Variants in QSER1 observed in about 807,000 individuals in gnomAD.
QSER1 encodes glutamine and serine-rich protein 1.
A neutral mutation model predicts 158.5 loss-of-function variants in QSER1; 49 were observed. The observed-to-expected ratio is 0.31, with a 90% CI of 0.25 to 0.39. The LOEUF (loss-of-function observed/expected upper bound fraction) is 0.39, where lower values mean the gene tolerates loss of function less well. Among genes scored for constraint, QSER1 ranks in the 10% least tolerant of loss-of-function variants. The pLI, the probability that QSER1 is intolerant of heterozygous loss-of-function variation, is 1.00. For synonymous variants in QSER1, 650 were observed against 715.5 expected (o/e 0.91, Z 1.46); for missense variants, 1,754 against 2,010.3 (o/e 0.87, Z 2.44).
At chr11:32,964,142 T>TA (rs1478437705) in intron 8 of QSER1, among the ~76,000 whole-genome samples, 2 of 152,066 alleles carry the variant, frequency 1.3e-5, no homozygotes, top group African/African-American at 4.8e-5. Flanking sequence ...CTAGCTAACT[T>TA]AAAATTTTTT....
intron 1 of QSER1, among the ~76,000 whole-genome samples, chr11:32,903,791 T>C (rs1851655011): frequency 6.6e-6 from 1 of 152,082 alleles, no homozygotes; most frequent in Non-Finnish European, 1.5e-5. Flanking sequence ...TTTGTATTTT[T>C]AGTAGAGATA....
intron 4 of QSER1, 61 bp from the exon 5 acceptor site, chr11:32,953,796 A>G: frequency 6.6e-7 from 1 of 1,524,088 alleles, no homozygotes; most frequent in Admixed American, 2.2e-5. Context: ...TTTGAGTTTT[A>G]CACAAAACAA....
intron 1 of QSER1, among the ~76,000 whole-genome samples, chr11:32,908,524 A>C (rs1321175122): frequency 6.6e-6 from 1 of 152,192 alleles, no homozygotes. Flanking sequence ...GACCTTTCTT[A>C]GTGAAAACAA....
At chr11:32,929,515 C>T (rs956620530) in intron 3 of QSER1, among the ~76,000 whole-genome samples, 1 of 151,950 alleles carries the variant, frequency 6.6e-6, no homozygotes, top group African/African-American at 2.4e-5. Context: ...TCTTAGAGCA[C>T]GACTGATTTT....
intron 8 of QSER1, among the ~76,000 whole-genome samples, chr11:32,962,078 A>C (rs1423496999): frequency 6.6e-6 from 1 of 152,190 alleles, no homozygotes; most frequent in Non-Finnish European, 1.5e-5. Flanking sequence ...CCACATGGTT[A>C]CACCATTTTA....
At chr11:32,959,939 T>C (rs1852591596) in intron 8 of QSER1, among the ~76,000 whole-genome samples, 1 of 152,094 alleles carries the variant, frequency 6.6e-6, no homozygotes, top group Non-Finnish European at 1.5e-5. Flanking sequence ...TTTTTAAATT[T>C]TAATCTTTGT....
At chr11:32,929,331 C>T (rs1447850969) in intron 3 of QSER1, among the ~76,000 whole-genome samples, 1 of 151,984 alleles carries the variant, frequency 6.6e-6, no homozygotes, top group Non-Finnish European at 1.5e-5. Flanking sequence ...AGGCTGGTCT[C>T]AAACTCCTGA....
intron 8 of QSER1, among the ~76,000 whole-genome samples, chr11:32,959,115 G>C (rs1158168925): frequency 6.6e-6 from 1 of 152,190 alleles, no homozygotes; most frequent in Non-Finnish European, 1.5e-5. Flanking sequence ...TAGTAGTGTA[G>C]TACAGAGGTT....
intron 4 of QSER1, among the ~76,000 whole-genome samples, chr11:32,952,523 G>C (rs1852439895): frequency 6.6e-6 from 1 of 152,068 alleles, no homozygotes; most frequent in South Asian, 2.1e-4. Flanking sequence ...TTCATTGTGG[G>C]TTTTTGTATT....
intron 1 of QSER1, among the ~76,000 whole-genome samples, chr11:32,922,608 C>T (rs1000665201): frequency 4.0e-5 from 6 of 151,574 alleles, no homozygotes; most frequent in Admixed American, 1.3e-4. Flanking sequence ...CCTCAGCCTC[C>T]CGAGTAGCTA....
rs766916467 is a variant in QSER1 at position 32,956,044 on chromosome 11, C to T, written c.4674C>T (p.Phe1558=). The stretch of plus-strand genomic sequence containing the variant: ...AATACAAAAGAATATATGTGAAGTT[C>T]ATTGAAAATGCAAACAAGAAGGAAT... ...KSKYKRIYVK[F]IENANKKEYV... The change falls in exon 7 of 13, where the codon TTC becomes TTT. Residue 1558 remains phenylalanine (F), a synonymous_variant. Coordinates refer to ENST00000650167, the MANE Select transcript of QSER1 (RefSeq NM_001076786.3). 2.7e-5 allele frequency: 44 copies of T among 1,608,140 alleles called. No individual in the cohort carries two copies. Among genetic ancestry groups the T allele is most frequent in the Non-Finnish European group, 3.6e-5 (42 of 1,175,190 alleles).
In QSER1 at chr11:32,973,560, T is replaced by C. The variant is rs753269345; in HGVS notation, c.5358+11T>C. On this transcript the variant is annotated intron_variant, in intron 11 of 12. Coordinates refer to ENST00000650167, the MANE Select transcript of QSER1 (RefSeq NM_001076786.3). ...ACCAAATCTGCACAAGTAAGTGTAA[T>C]TGATTATTAATGTAACTATACCTTT... 9 of 1,589,634 alleles carry C rather than the reference T, an allele frequency of 5.7e-6. No individual in the cohort carries two copies. The highest frequency in any genetic ancestry group is 4.5e-5 in the East Asian group (2 of 44,720).
At chr11:32,930,538 G>T (rs1385355917) in intron 3 of QSER1, among the ~76,000 whole-genome samples, 1 of 152,064 alleles carries the variant, frequency 6.6e-6, no homozygotes, top group Non-Finnish European at 1.5e-5. Flanking sequence ...TAGTAAAAAG[G>T]TATATAAAGT....
At chr11:32,921,773 G>T (rs1045872152) in intron 1 of QSER1, among the ~76,000 whole-genome samples, 5 of 152,198 alleles carry the variant, frequency 3.3e-5, no homozygotes, top group Admixed American at 1.3e-4. Context: ...TCAAATGTAT[G>T]TGGAACTACC....
chr11:32,925,491 C>CTTT (rs199729836), intron 1 of QSER1, among the ~76,000 whole-genome samples: 6 of 136,396 alleles, frequency 4.4e-5, no homozygotes, highest in Non-Finnish European at 6.5e-5. Context: ...TGATACATCG[C>CTTT]TTTTTTATTT....
At chr11:32,960,761 T>C (rs1852609364) in intron 8 of QSER1, among the ~76,000 whole-genome samples, 2 of 152,222 alleles carry the variant, frequency 1.3e-5, no homozygotes, top group South Asian at 4.1e-4. Context: ...GTAATTTGAG[T>C]GACCACTAGG....
chr11:32,946,604 C>T (rs954639525), intron 4 of QSER1, among the ~76,000 whole-genome samples: 5 of 151,550 alleles, frequency 3.3e-5, no homozygotes, highest in African/African-American at 9.7e-5. Context: ...TCTCCAGCTG[C>T]GTACTGGGAG....
chr11:32,893,239 C>T lies in QSER1; in HGVS notation c.114C>T (p.Ala38=), dbSNP rs796447900. ...ASAAAQPPAP[A]WAYEPRAAAA... is the part of the protein sequence containing the mutation. ...CCGCTGCGCAGCCCCCCGCCCCAGC[C>T]TGGGCGTACGAACCCCGAGCCGCCG... Residue 38 remains alanine, a synonymous_variant, in exon 1 of 13, where the codon GCC becomes GCT. Transcript: ENST00000650167. This position sits in a 1 kb window ranked among gnomAD's most constrained non-coding sequence, Gnocchi z 4.7. The T allele has an allele frequency of 6.8e-6, 1 of 146,952 alleles. No individual in the cohort carries two copies. Among genetic ancestry groups the T allele is most frequent in the Non-Finnish European group, 1.5e-5 (1 of 66,372 alleles). The allele number at this position is 146,952 out of a possible 1,614,324, so 9.1% of individuals were successfully genotyped here.
rs80196731 is a variant in QSER1 at position 32,976,896 on chromosome 11, C to T, written c.*422C>T. 1,021 of 178,930 alleles carry T rather than the reference C, an allele frequency of 5.7e-3. 41 individuals carry two copies. The East Asian group carries it at 0.083, about 15-fold the overall frequency. 11.1% of individuals were successfully genotyped at this position (178,930 alleles called of 1,614,324 possible). A position where few individuals can be genotyped will look rare whatever the true frequency, so the allele number is the denominator to read the frequency against. ...GGCAGAAACCATATGTTTGTACTCA[C>T]ATCTGGCCACAAAACCAGAAATACT... On this transcript the variant is annotated 3_prime_UTR_variant, in exon 13 of 13. Coordinates refer to ENST00000650167, the MANE Select transcript of QSER1 (RefSeq NM_001076786.3).
Sources: allele counts gnomAD v4.1 joint callset (sites outside exome capture counted in the v4.1 genomes callset), GRCh38; gene constraint gnomAD v4.1.1; non-coding constraint Gnocchi (gnomAD v3.1); transcripts MANE v1.5; gene names NCBI Gene and HGNC (gene_info 2026-07-23, HGNC 2026-07-21).